Variants in CLCC1 observed in about 807,000 individuals in gnomAD.
CLCC1 encodes chloride channel CLIC like 1, also known as chloride channel CLIC-like protein 1.
Under a neutral mutation model 63.3 loss-of-function variants are expected in CLCC1, and 39 were observed. The observed-to-expected ratio is 0.62, with a 90% CI of 0.48 to 0.81. CLCC1 has a LOEUF of 0.81. Among genes scored for constraint, CLCC1 ranks in the 30% least tolerant of loss-of-function variants. The pLI is 0.00. For missense variants in CLCC1, 549 were observed against 669.4 expected (o/e 0.82, Z 1.98); for synonymous variants, 217 against 239.8 (o/e 0.90, Z 0.88).
intron 2 of CLCC1, among the ~76,000 whole-genome samples, chr1:108,951,154 C>G (rs977051501): frequency 1.9e-4 from 29 of 152,116 alleles, no homozygotes; most frequent in African/African-American, 6.3e-4. Context: ...CACATGTAAT[C>G]CCAGCACTTT....
At chr1:108,963,161 G>A (rs949825028) in intron 1 of CLCC1, among the ~76,000 whole-genome samples, 200 bp downstream of exon 1, 1 of 152,228 alleles carries the variant, frequency 6.6e-6, no homozygotes, top group Non-Finnish European at 1.5e-5. Context: ...CGGACAGGCA[G>A]CCGCCGGCGC....
At chr1:108,957,069 G>T (rs545091673) in intron 2 of CLCC1, among the ~76,000 whole-genome samples, 1 of 151,554 alleles carries the variant, frequency 6.6e-6, no homozygotes, top group Admixed American at 6.5e-5. Context: ...TTATCAGGAG[G>T]TTAGGAAGAT....
intron 5 of CLCC1, among the ~76,000 whole-genome samples, chr1:108,946,309 C>CAA (rs10655080): frequency 0.082 from 10,936 of 133,784 alleles, 515 homozygotes; most frequent in Middle Eastern, 0.11. Flanking sequence ...GACTCTGTCT[C>CAA]AAAAAAAAAA....
chr1:108,944,823 G>T (rs961757670), intron 5 of CLCC1, among the ~76,000 whole-genome samples: 3 of 152,044 alleles, frequency 2.0e-5, no homozygotes, highest in African/African-American at 7.2e-5. Flanking sequence ...TAGAGACGGG[G>T]TTTCACCGCA....
intron 7 of CLCC1, 82 bp from the exon 8 acceptor site, chr1:108,941,580 G>T (rs1653846279): frequency 1.1e-6 from 1 of 913,826 alleles, no homozygotes; most frequent in Non-Finnish European, 1.7e-6. Context: ...TTCATTCAAA[G>T]AGTGTCTTTA....
intron 5 of CLCC1, among the ~76,000 whole-genome samples, chr1:108,947,066 G>C (rs1654635078): frequency 6.6e-6 from 1 of 152,086 alleles, no homozygotes. Flanking sequence ...GGGAGGCTGA[G>C]TCAGGGAGAA....
In CLCC1 at chr1:108,931,149, TA is replaced by T; in HGVS notation, c.*1397del. The stretch of plus-strand genomic sequence containing the variant: ...AATACTGCTGTAAAACAAACTTTTC[TA>T]AGTTCTAATATAAAAACAAAAAACA... On this transcript the variant is annotated 3_prime_UTR_variant, in exon 13 of 13. Transcript: ENST00000369969. The T allele has an allele frequency of 1.6e-6, 1 of 616,648 alleles. No homozygotes were observed. Among genetic ancestry groups the T allele is most frequent in the Non-Finnish European group, 2.6e-6 (1 of 389,268 alleles). The allele number at this position is 616,648 out of a possible 1,614,324, so 38.2% of individuals were successfully genotyped here.
At chr1:108,954,244 T>C (rs1224590927) in intron 2 of CLCC1, among the ~76,000 whole-genome samples, 1 of 150,766 alleles carries the variant, frequency 6.6e-6, no homozygotes, top group Non-Finnish European at 1.5e-5. Flanking sequence ...TCCCAGGACT[T>C]TGGGAGGCCG....
Position 108,943,602 on chromosome 1 carries a change from A to G in CLCC1, c.575T>C (p.Leu192Pro). The change falls in exon 7 of 13, where the codon CTG becomes CCG. Residue 192 changes from leucine (L) to proline (P), a missense_variant. By Grantham distance (98) the Leu-to-Pro change is moderately conservative. Coordinates refer to ENST00000369969, the MANE Select transcript of CLCC1 (RefSeq NM_001377458.1). Reference sequence around the variant, plus strand: ...AGCCACTAAAACCACGATGCAGAGCAGACAAAGAAGTACCTTAAAACAGAG... The same window carrying G: ...AGCCACTAAAACCACGATGCAGAGCGGACAAAGAAGTACCTTAAAACAGAG... The part of the protein sequence containing the change: ...PYNVLMVLLC[L>P]LCIVVLVATE... The G allele has an allele frequency of 6.3e-7, 1 of 1,586,866 alleles. No homozygotes were observed. The highest frequency in any genetic ancestry group is 8.5e-7 in the Non-Finnish European group (1 of 1,170,870).
At chr1:108,960,820 G>T (rs1656532185) in intron 2 of CLCC1, among the ~76,000 whole-genome samples, 1 of 152,102 alleles carries the variant, frequency 6.6e-6, no homozygotes, top group Non-Finnish European at 1.5e-5. Flanking sequence ...TATACAAAGG[G>T]AAGTGAATAA....
intron 11 of CLCC1, among the ~76,000 whole-genome samples, chr1:108,935,962 G>A (rs978588737): frequency 6.6e-6 from 1 of 152,084 alleles, no homozygotes; most frequent in African/African-American, 2.4e-5. Context: ...GGAGACCAAG[G>A]AGGCTTCCAG....
chr1:108,929,968 C>T lies in CLCC1; in HGVS notation c.*2579G>A, dbSNP rs1438758423. The T allele has an allele frequency of 6.2e-7, 1 of 1,600,030 alleles. No homozygotes were observed. Among genetic ancestry groups the T allele is most frequent in the Admixed American group, 1.7e-5 (1 of 59,782 alleles). ...ACTATGGATTTATTTTTTTTCCTTT[C>T]AAACACGGTAAGGAAACAATCTATT... On this transcript the variant is annotated 3_prime_UTR_variant, in exon 13 of 13. Transcript: ENST00000369969.
rs771439055 is a variant in CLCC1, at chr1:108,939,832, C to G, written c.895-50G>C. On this transcript the variant is annotated intron_variant, in intron 9 of 12. Transcript: ENST00000369969. Reference sequence around the variant, plus strand: ...ATTTTCTCCTCACAGGACTAAGGTACAGAATGCATCAAAATTCATTGAGTA... The same window carrying G: ...ATTTTCTCCTCACAGGACTAAGGTAGAGAATGCATCAAAATTCATTGAGTA... 6 of 1,561,506 alleles carry G rather than the reference C, an allele frequency of 3.8e-6. No homozygotes were observed. The African/African-American group carries it at 8.2e-5, about 21-fold the overall frequency.
chr1:108,954,151 T>A (rs1443423229), intron 2 of CLCC1, among the ~76,000 whole-genome samples: 2 of 151,110 alleles, frequency 1.3e-5, no homozygotes, highest in Non-Finnish European at 2.9e-5. Flanking sequence ...CTTCAGCAAT[T>A]GCAATTGCGA....
intron 8 of CLCC1, 139 bp from the exon 9 acceptor site, chr1:108,940,281 C>T: frequency 1.1e-5 from 5 of 449,272 alleles, no homozygotes; most frequent in Non-Finnish European, 2.0e-5. Context: ...TAAGTAGACT[C>T]CCTGTAATGC....
intron 7 of CLCC1, among the ~76,000 whole-genome samples, chr1:108,942,461 CAAA>C (rs1164838395): frequency 1.3e-5 from 2 of 152,122 alleles, no homozygotes; most frequent in African/African-American, 2.4e-5. Flanking sequence ...ATACTTACAG[CAAA>C]AGGTTAAGGA....
chr1:108,948,746 A>G (rs1654848341), intron 4 of CLCC1, among the ~76,000 whole-genome samples: 1 of 152,228 alleles, frequency 6.6e-6, no homozygotes, highest in Admixed American at 6.5e-5. Flanking sequence ...AAATTCTGTA[A>G]AAAGGTATTT....
At chr1:108,936,998 T>G in intron 11 of CLCC1, 79 bp downstream of exon 11, 1 of 1,048,926 alleles carries the variant, frequency 9.5e-7, no homozygotes, top group Non-Finnish European at 1.3e-6. Flanking sequence ...GGTAAAAGAG[T>G]AAAAACAATC....
chr1:108,961,975 G>C (rs969352745), intron 2 of CLCC1, among the ~76,000 whole-genome samples: 2 of 152,128 alleles, frequency 1.3e-5, no homozygotes, highest in African/African-American at 4.8e-5. Flanking sequence ...TCATTTTACA[G>C]ATCACACAAA....
Sources: allele counts gnomAD v4.1 joint callset (sites outside exome capture counted in the v4.1 genomes callset), GRCh38; gene constraint gnomAD v4.1.1; transcripts MANE v1.5; gene names NCBI Gene and HGNC (gene_info 2026-07-23, HGNC 2026-07-21).